Variants in KLHL1 observed in about 807,000 individuals in gnomAD.
KLHL1 encodes kelch like family member 1.
A neutral mutation model predicts 77.7 loss-of-function variants in KLHL1; 47 were observed. That is an observed-to-expected ratio of 0.60 (90% CI 0.48 to 0.77). The LOEUF is 0.77. KLHL1 is among the 30% of genes least tolerant of loss of function. KLHL1 has a pLI of 0.00. For synonymous variants in KLHL1, 360 were observed against 325.2 expected (o/e 1.11, Z -1.15); for missense variants, 925 against 910.8 (o/e 1.02, Z -0.20).
intron 1 of KLHL1, among the ~76,000 whole-genome samples, chr13:70,083,349 T>C (rs1447308567): frequency 6.6e-6 from 1 of 152,184 alleles, no homozygotes; most frequent in East Asian, 1.9e-4. Flanking sequence ...TCTTTCCTTC[T>C]TTTTTAGAGA....
chr13:69,710,070 A>T (rs2137877891), intron 9 of KLHL1, among the ~76,000 whole-genome samples: 1 of 151,676 alleles, frequency 6.6e-6, no homozygotes, highest in South Asian at 2.1e-4. Flanking sequence ...TTTTTATATC[A>T]TGTTGCAAAT....
chr13:69,837,420 A>G (rs1416850611), intron 6 of KLHL1, among the ~76,000 whole-genome samples: 1 of 151,516 alleles, frequency 6.6e-6, no homozygotes, highest in Non-Finnish European at 1.5e-5. Context: ...CACACACACA[A>G]TGTAAGTAAT....
At chr13:69,886,865 T>C (rs1881238888) in intron 4 of KLHL1, among the ~76,000 whole-genome samples, 1 of 152,132 alleles carries the variant, frequency 6.6e-6, no homozygotes, top group African/African-American at 2.4e-5. Flanking sequence ...AGCATTATAG[T>C]AGGAAGATAA....
chr13:69,763,813 GAAGA>G (rs1255987229), intron 7 of KLHL1, among the ~76,000 whole-genome samples: 1 of 152,198 alleles, frequency 6.6e-6, no homozygotes, highest in African/African-American at 2.4e-5. Flanking sequence ...AAATGTTAAA[GAAGA>G]TAGATCCCAA....
At chr13:70,013,378 C>T (rs1051609297) in intron 1 of KLHL1, among the ~76,000 whole-genome samples, 5 of 152,300 alleles carry the variant, frequency 3.3e-5, no homozygotes, top group Middle Eastern at 3.4e-3. Flanking sequence ...AGGAGTTTTT[C>T]CATATCTCTT....
chr13:70,004,658 T>A (rs971135014), intron 1 of KLHL1, among the ~76,000 whole-genome samples: 1 of 151,988 alleles, frequency 6.6e-6, no homozygotes, highest in Non-Finnish European at 1.5e-5. Context: ...TTTAAAGTTG[T>A]CTGATAATTC....
At chr13:69,780,757 T>A (rs1030272) in intron 7 of KLHL1, among the ~76,000 whole-genome samples, 1 of 128,116 alleles carries the variant, frequency 7.8e-6, no homozygotes, top group African/African-American at 3.1e-5. Flanking sequence ...TATATATATA[T>A]ACACACACAT....
intron 1 of KLHL1, among the ~76,000 whole-genome samples, chr13:70,027,879 A>C (rs1257996522): frequency 6.6e-6 from 1 of 152,054 alleles, no homozygotes; most frequent in Non-Finnish European, 1.5e-5. Context: ...TAATTTTTAG[A>C]GGCTGGAGTT....
At chr13:69,901,605 T>A (rs1304130426) in intron 4 of KLHL1, among the ~76,000 whole-genome samples, 3 of 152,148 alleles carry the variant, frequency 2.0e-5, no homozygotes, top group Non-Finnish European at 4.4e-5. Context: ...GTGTTTACAA[T>A]CTTACTGTAA....
At chr13:69,754,375 T>C (rs1487916641) in intron 7 of KLHL1, among the ~76,000 whole-genome samples, 2 of 152,154 alleles carry the variant, frequency 1.3e-5, no homozygotes, top group African/African-American at 2.4e-5. Flanking sequence ...TTGTTTACAA[T>C]TTAATAAGGG....
chr13:69,888,285 A>T (rs182532689), intron 4 of KLHL1, among the ~76,000 whole-genome samples: 8 of 152,228 alleles, frequency 5.3e-5, no homozygotes, highest in Admixed American at 5.2e-4. Flanking sequence ...GTTTTAACAT[A>T]TGGAATTTGG....
chr13:69,707,852 A>C, intron 9 of KLHL1, 56 bp from the exon 10 acceptor site: 1 of 1,412,186 alleles, frequency 7.1e-7, no homozygotes, highest in Non-Finnish European at 9.4e-7. Flanking sequence ...AACTTTTACT[A>C]TAAAAATTTT....
chr13:70,057,427 G>T (rs962316450), intron 1 of KLHL1, among the ~76,000 whole-genome samples: 31 of 140,338 alleles, frequency 2.2e-4, no homozygotes, highest in Non-Finnish European at 1.5e-5. Flanking sequence ...AACTCATTCT[G>T]AGGCCAGTAT....
chr13:69,813,503 C>CACACACACACACACAT (rs34163072), intron 6 of KLHL1, among the ~76,000 whole-genome samples: 4 of 148,840 alleles, frequency 2.7e-5, no homozygotes, highest in African/African-American at 7.5e-5. Flanking sequence ...CACACACACA[C>CACACACACACACACAT]ATATATATAT....
At chr13:70,081,419 T>C (rs558542152) in intron 1 of KLHL1, among the ~76,000 whole-genome samples, 1 of 152,314 alleles carries the variant, frequency 6.6e-6, no homozygotes, top group East Asian at 1.9e-4. Context: ...ATAGGCTCAA[T>C]TGGAGAATAT....
At position 69,863,838 on chromosome 13, in the gene KLHL1, C is replaced by T. The variant is rs185333217; in HGVS notation, c.1227+18445G>A. 1.5e-4 allele frequency among the ~76,000 whole-genome samples: 23 copies of T among 152,148 alleles called. 1 individual carries two copies. Among genetic ancestry groups the T allele is most frequent in the Admixed American group, 1.5e-3 (23 of 15,262 alleles). On this transcript the variant is annotated intron_variant, in intron 5 of 10. Transcript: ENST00000377844. ...TTCAACTTAACTGTCAGTAATAATT[C>T]TTTCTCACTAATATTTTAATAATTT...
intron 1 of KLHL1, among the ~76,000 whole-genome samples, chr13:70,086,708 CTT>C: frequency 7.1e-6 from 1 of 140,512 alleles, no homozygotes; most frequent in East Asian, 2.1e-4. Flanking sequence ...CCTTTTCAAA[CTT>C]TTTTTTTTTT....
At chr13:69,825,520 T>A (rs1878510311) in intron 6 of KLHL1, among the ~76,000 whole-genome samples, 1 of 152,126 alleles carries the variant, frequency 6.6e-6, no homozygotes, top group Admixed American at 6.6e-5. Context: ...AAGGTTTTTA[T>A]TGTATTTTAT....
chr13:70,026,725 TGTG>T (rs1885954963), intron 1 of KLHL1, among the ~76,000 whole-genome samples: 3 of 151,552 alleles, frequency 2.0e-5, no homozygotes, highest in Non-Finnish European at 4.4e-5. Context: ...TGTGTGTGTG[TGTG>T]TGTGTGTGTG....
Sources: gnomAD v4.1 joint callset for allele counts (sites outside exome capture counted in the v4.1 genomes callset) on GRCh38, gnomAD v4.1.1 for gene constraint, MANE v1.5 for transcripts, NCBI Gene and HGNC (gene_info 2026-07-23, HGNC 2026-07-21) for gene names.